HK3: variants seen among roughly 807,000 people sequenced by gnomAD.
HK3 encodes the protein hexokinase 3.
HK3 carries 93 observed loss-of-function variants against 91.0 expected under a neutral mutation model. The observed-to-expected ratio is 1.02, with a 90% CI of 0.86 to 1.21. The LOEUF is 1.21. Among genes scored for constraint, HK3 ranks in the 50% most tolerant of loss-of-function variants. The probability of loss-of-function intolerance (pLI) is 0.00; values close to 1 mark genes in which losing one functional copy is unlikely to be tolerated. For synonymous variants in HK3, 519 were observed against 516.9 expected, an observed-to-expected ratio of 1.00 and a Z score of -0.06; for missense variants, 1,235 against 1,247.4, an observed-to-expected ratio of 0.99 and a Z score of 0.15.
rs1169681045 is a variant in HK3 at position 176,884,865 on chromosome 5, T to A, written c.1858-731A>T. Among the ~76,000 whole-genome samples the A allele has an allele frequency of 6.6e-6, 1 of 151,990 alleles. No individual in the cohort carries two copies. Among genetic ancestry groups the A allele is most frequent in the Non-Finnish European group, 1.5e-5 (1 of 67,986 alleles). On this transcript the variant is annotated intron_variant, in intron 13 of 18. Coordinates refer to ENST00000292432, the MANE Select transcript of HK3 (RefSeq NM_002115.3). This position sits in a 1 kb window ranked among gnomAD's most constrained non-coding sequence, Gnocchi z 4.1. The stretch of plus-strand genomic sequence containing the variant: ...TTGCTCAGAGGAGGAGCATGGAGGG[T>A]AGGTCAGGAAATCTTTGGGGCAGAA...
chr5:176,892,242 G>T (rs936312032), intron 2 of HK3, among the ~76,000 whole-genome samples: 4 of 152,184 alleles, frequency 2.6e-5, no homozygotes, highest in Non-Finnish European at 4.4e-5. Context: ...TTAAACGTAG[G>T]GGGGCAGGAT....
At position 176,896,598 on chromosome 5, in the gene HK3, C is replaced by CTG. The variant is rs546440527; in HGVS notation, c.-26-415_-26-414dup. On this transcript the variant is annotated intron_variant, in intron 1 of 18. Transcript: ENST00000292432. The stretch of plus-strand genomic sequence containing the variant: ...CCACATGTAATAGATGGACATGCTG[C>CTG]TGTGGTTGGGAGGTCAGGGACATGC... Among the ~76,000 whole-genome samples, 3 of 152,244 alleles carry CTG rather than the reference C, an allele frequency of 2.0e-5. No homozygotes were observed. The South Asian group carries it at 6.2e-4, about 32-fold the overall frequency.
chr5:176,882,469 C>A (rs1042816718), intron 15 of HK3, among the ~76,000 whole-genome samples: 9 of 152,204 alleles, frequency 5.9e-5, no homozygotes, highest in African/African-American at 2.2e-4. Context: ...GGTTGAGAGG[C>A]CGAAGCTCCC....
intron 1 of HK3, among the ~76,000 whole-genome samples, chr5:176,897,054 T>C (rs1017165875): frequency 1.3e-5 from 2 of 152,112 alleles, no homozygotes; most frequent in African/African-American, 4.8e-5. Context: ...TCCAGGCTTT[T>C]CATCTGTGAA....
chr5:176,889,677 C>A lies in HK3; in HGVS notation c.698G>T (p.Gly233Val). The A allele has an allele frequency of 6.2e-7, 1 of 1,614,110 alleles. No individual in the cohort carries two copies. The highest frequency in any genetic ancestry group is 1.6e-4 in the Middle Eastern group (1 of 6,062). The part of the protein sequence containing the change: ...TVGTMMGCEP[G>V]VRPCEVGLVV... ...TAGCCCAACCTCACACGGCCTGACCCCCGGCTCACAGCCCATCATGGTGCC... is the reference window on the plus strand; with the variant it reads ...TAGCCCAACCTCACACGGCCTGACCACCGGCTCACAGCCCATCATGGTGCC... Residue 233 changes from glycine to valine, a missense_variant, in exon 7 of 19, where the codon GGG (glycine) becomes GTG (valine). By Grantham distance (109) the Gly-to-Val change is moderately radical. Coordinates refer to ENST00000292432, the MANE Select transcript of HK3 (RefSeq NM_002115.3).
chr5:176,894,804 T>TC (rs1231188227), intron 2 of HK3, among the ~76,000 whole-genome samples: 1 of 144,884 alleles, frequency 6.9e-6, no homozygotes, highest in Non-Finnish European at 1.5e-5. Flanking sequence ...TTTGACAGAG[T>TC]CTCGCTCTGT....
Position 176,887,574 on chromosome 5 carries a change from T to C in HK3, c.1477A>G (p.Asn493Asp), listed in dbSNP as rs1206495626. 1 of 1,613,766 alleles carries C rather than the reference T, an allele frequency of 6.2e-7. No individual in the cohort carries two copies. Among genetic ancestry groups the C allele is most frequent in the Non-Finnish European group, 8.5e-7 (1 of 1,180,012 alleles). Reference sequence around the variant, plus strand: ...TGAACCGCAGCCAGTTGATCATGGTTCAACCGGAATGGGGCCAGGGTCTCC... The same window carrying C: ...TGAACCGCAGCCAGTTGATCATGGTCCAACCGGAATGGGGCCAGGGTCTCC... Reference protein sequence around the residue: ...LEETLAPFRLNHDQLAAVQAQ... With the variant: ...LEETLAPFRLDHDQLAAVQAQ... Residue 493 changes from asparagine (N) to aspartate (D), a missense_variant, in exon 11 of 19, where the codon AAC becomes GAC. Transcript: ENST00000292432. The surrounding 1 kb of genome is among the most constrained non-coding windows in gnomAD (Gnocchi z 4.9).
rs1758676489 is a variant in HK3 at position 176,888,817 on chromosome 5, A to G, written c.962T>C (p.Leu321Pro). 5 of 1,614,226 alleles carry G rather than the reference A, an allele frequency of 3.1e-6. No homozygotes were observed. Among genetic ancestry groups the G allele is most frequent in the Non-Finnish European group, 4.2e-6 (5 of 1,180,024 alleles). The change falls in exon 9 of 19, where the codon CTG becomes CCG. Residue 321 changes from leucine to proline, a missense_variant. Physicochemically the swap from Leu to Pro is moderately conservative, Grantham distance 98. Around this residue, in one of 3 missense-constraint regions of HK3, gnomAD observed 717 missense variants for 751.6 expected, o/e 0.95. Transcript: ENST00000292432. ...ACACCGGGCCAAGTGAGCCAGCACC[A>G]GCCGCACCAGCTCACCCAGGTACAG... Reference protein sequence around the residue: ...GGLYLGELVRLVLAHLARCGV... With the variant: ...GGLYLGELVRPVLAHLARCGV...
At position 176,887,600 on chromosome 5, in the gene HK3, T is replaced by G. The variant is rs957914033; in HGVS notation, c.1451A>C (p.Glu484Ala). 6.2e-7 allele frequency: 1 copy of G among 1,613,812 alleles called. No homozygotes were observed. The highest frequency in any genetic ancestry group is 1.7e-5 in the Admixed American group (1 of 60,030). The change falls in exon 11 of 19, where the codon GAG becomes GCG. Residue 484 changes from glutamate (E) to alanine (A), a missense_variant. Physicochemically the swap from Glu to Ala is moderately radical, Grantham distance 107. Coordinates refer to ENST00000292432, the MANE Select transcript of HK3 (RefSeq NM_002115.3). This position sits in a 1 kb window ranked among gnomAD's most constrained non-coding sequence, Gnocchi z 4.9. ...ARLAAHRRLL[E>A]ETLAPFRLNH... ...CAACCGGAATGGGGCCAGGGTCTCC[T>G]CCAGCAGGCGCCGGTGGGCAGCCAG... is the stretch of plus-strand genomic sequence containing the variant.
At position 176,891,036 on chromosome 5, in the gene HK3, C is replaced by T. The variant is rs1758754380; in HGVS notation, c.414+1G>A. On this transcript the variant is annotated splice_donor_variant, in intron 4 of 18. Transcript: ENST00000292432. LOFTEE classifies it high-confidence loss of function. ...CCAGAGGCTGGGCAGTGAGTGCTTA[C>T]CTGCTGGCCAGCACCCAGCATCACC... 1 of 1,613,866 alleles carries T rather than the reference C, an allele frequency of 6.2e-7. No homozygotes were observed. Among genetic ancestry groups the T allele is most frequent in the Non-Finnish European group, 8.5e-7 (1 of 1,179,994 alleles).
Position 176,884,043 on chromosome 5 carries a change from C to T in HK3, c.1949G>A (p.Arg650Lys). 6.2e-7 allele frequency: 1 copy of T among 1,614,042 alleles called. No homozygotes were observed. Among genetic ancestry groups the T allele is most frequent in the Non-Finnish European group, 8.5e-7 (1 of 1,179,928 alleles). The change falls in exon 14 of 19, where the codon AGA becomes AAA. Residue 650 changes from arginine (R) to lysine (K), a missense_variant. By Grantham distance (26) the Arg-to-Lys change is conservative. This residue lies in a region of HK3 where 513 missense variants were observed against 477.4 expected (regional missense o/e 1.07). Coordinates refer to ENST00000292432, the MANE Select transcript of HK3 (RefSeq NM_002115.3). The surrounding 1 kb of genome is among the most constrained non-coding windows in gnomAD (Gnocchi z 4.1). ...ACCCCTAGAACAGGCTCCTACCTGT[C>T]TGCGAGTGATGGCTTCCCGCAACAG... ...VSLLREAITR[R>K]QAVELNVVAI...
At position 176,884,515 on chromosome 5, in the gene HK3, G is replaced by A. The variant is rs1758531790; in HGVS notation, c.1858-381C>T. The stretch of plus-strand genomic sequence containing the variant: ...AGGACAGAGAAGGCTCAGAGGCCCA[G>A]ATGACAGCAGATCCCACCCTTTCAG... On this transcript the variant is annotated intron_variant, in intron 13 of 18. Coordinates refer to ENST00000292432, the MANE Select transcript of HK3 (RefSeq NM_002115.3). This position sits in a 1 kb window ranked among gnomAD's most constrained non-coding sequence, Gnocchi z 4.1. Among the ~76,000 whole-genome samples, 1 of 152,224 alleles carries A rather than the reference G, an allele frequency of 6.6e-6. No homozygotes were observed. The highest frequency in any genetic ancestry group is 6.5e-5 in the Admixed American group (1 of 15,288).
chr5:176,888,406 G>C lies in HK3; in HGVS notation c.1230C>G (p.Leu410=). 3 of 1,562,900 alleles carry C rather than the reference G, an allele frequency of 1.9e-6. No homozygotes were observed. The highest frequency in any genetic ancestry group is 2.6e-6 in the Non-Finnish European group (3 of 1,152,894). The change falls in exon 10 of 19, where the codon CTC becomes CTG. Residue 410 remains leucine, a synonymous_variant. Transcript: ENST00000292432. ...GTGTTTGTTGCTCCCGGCTGTGCTG[G>C]AGGCAGGAGAGAACAGCGGCCAGGG... The part of the protein sequence containing the change: ...AAALAAVLSC[L]QHSREQQTLQ...
intron 2 of HK3, among the ~76,000 whole-genome samples, chr5:176,893,168 C>T (rs999444072): frequency 6.6e-6 from 1 of 152,102 alleles, no homozygotes; most frequent in African/African-American, 2.4e-5. Context: ...ACGGAGACTC[C>T]GAGAGGGCAA....
In HK3 at chr5:176,881,307, G is replaced by T. The variant is rs200923960; in HGVS notation, c.2622C>A (p.His874Gln). 1.9e-6 allele frequency: 3 copies of T among 1,613,728 alleles called. No individual in the cohort carries two copies. The highest frequency in any genetic ancestry group is 1.7e-5 in the Admixed American group (1 of 60,008). The change falls in exon 18 of 19, where the codon CAC becomes CAA. Residue 874 changes from histidine (H) to glutamine (Q), a missense_variant. This residue lies in a region of HK3 where 513 missense variants were observed against 477.4 expected (regional missense o/e 1.07). Coordinates refer to ENST00000292432, the MANE Select transcript of HK3 (RefSeq NM_002115.3). Reference protein sequence around the residue: ...VGVDGTLYKLHPRFSSLVAAT... With the variant: ...VGVDGTLYKLQPRFSSLVAAT... ...GCCCGCACACCCAGACTCACCGCGG[G>T]TGCAGCTTGTAGAGCGTTCCATCCA...
rs998902284 is a variant in HK3 at position 176,887,706 on chromosome 5, G to A, written c.1345C>T (p.Pro449Ser). The change falls in exon 11 of 19, where the codon CCG (proline) becomes TCG (serine). Residue 449 changes from proline to serine, a missense_variant. Physicochemically the swap from Pro to Ser is moderately conservative, Grantham distance 74. This residue lies in a region of HK3 where 717 missense variants were observed against 751.6 expected (regional missense o/e 0.95). Transcript: ENST00000292432. This position sits in a 1 kb window ranked among gnomAD's most constrained non-coding sequence, Gnocchi z 4.9. ...GGGATTAAGGAGACATCGCATTCCG[G>A]GGCCAGGAGCATCACTGTCCCCTGC... is the stretch of plus-strand genomic sequence containing the variant. ...VLQGTVMLLA[P>S]ECDVSLIPSV... 2 of 1,612,966 alleles carry A rather than the reference G, an allele frequency of 1.2e-6. No homozygotes were observed. The highest frequency in any genetic ancestry group is 1.7e-6 in the Non-Finnish European group (2 of 1,179,224).
In HK3 at chr5:176,887,463, G is replaced by C; in HGVS notation, c.1588C>G (p.Pro530Ala). ...GCCAGGTCCTTACCGCTGCCGTCAG[G>C]GGTGGCCCGGACGAAAGTGGGCAGC... Reference protein sequence around the residue: ...RMLPTFVRATPDGSERGDFLA... With the variant: ...RMLPTFVRATADGSERGDFLA... Residue 530 changes from proline to alanine, a missense_variant, in exon 11 of 19, where the codon CCT becomes GCT. Around this residue, in one of 3 missense-constraint regions of HK3, gnomAD observed 717 missense variants for 751.6 expected, o/e 0.95. Transcript: ENST00000292432. This position sits in a 1 kb window ranked among gnomAD's most constrained non-coding sequence, Gnocchi z 4.9. The C allele has an allele frequency of 6.2e-7, 1 of 1,612,522 alleles. No homozygotes were observed.
chr5:176,882,223 C>G (rs1348353827), intron 15 of HK3, 96 bp from the exon 16 acceptor site: 16 of 1,209,028 alleles, frequency 1.3e-5, no homozygotes, highest in Non-Finnish European at 1.9e-5. Context: ...TTCGGGCTCA[C>G]TCTCTCTACC....
intron 1 of HK3, among the ~76,000 whole-genome samples, chr5:176,898,872 C>T (rs534238049): frequency 1.3e-5 from 2 of 152,182 alleles, no homozygotes. Context: ...GTGGCTTGCA[C>T]CTGTAATCCC....
Sources: gnomAD v4.1 joint callset for allele counts (sites outside exome capture counted in the v4.1 genomes callset) on GRCh38, gnomAD v4.1.1 for gene constraint, gnomAD v4.1.1 regional missense constraint, Gnocchi (gnomAD v3.1) non-coding constraint, MANE v1.5 for transcripts, NCBI Gene and HGNC (gene_info 2026-07-23, HGNC 2026-07-21) for gene names.